COX18: variants seen among roughly 807,000 people sequenced by gnomAD.
COX18 encodes the protein cytochrome c oxidase assembly factor COX18.
Under a neutral mutation model 38.0 loss-of-function variants are expected in COX18, and 45 were observed. The observed-to-expected ratio is 1.18, with a 90% CI of 0.93 to 1.52. COX18 has a LOEUF of 1.52. COX18 is among the 40% of genes most tolerant of loss of function. COX18 has a pLI of 0.00. For missense variants in COX18, 462 were observed against 423.8 expected (o/e 1.09, Z -0.79); for synonymous variants, 177 against 169.8 (o/e 1.04, Z -0.33).
In COX18 at chr4:73,069,645, A is replaced by G. The variant is rs2110065059; in HGVS notation, c.5T>C (p.Leu2Pro). The change falls in exon 1 of 6, where the codon CTG (leucine) becomes CCG (proline). Residue 2 changes from leucine (L) to proline (P), a missense_variant. Leu to Pro is a moderately conservative substitution (Grantham distance 98, BLOSUM62 -3). Transcript: ENST00000507544. Reference protein sequence around the residue: MLCRLGGRWLRP... With the variant: MPCRLGGRWLRP... ...CAGCCACCGACCGCCGAGCCGGCACAGCATTTCTGCACCACGGCGGAGCCC... is the reference window on the plus strand; with the variant it reads ...CAGCCACCGACCGCCGAGCCGGCACGGCATTTCTGCACCACGGCGGAGCCC... 1.9e-6 allele frequency: 3 copies of G among 1,548,998 alleles called. No homozygotes were observed. The highest frequency in any genetic ancestry group is 2.6e-6 in the Non-Finnish European group (3 of 1,152,564).
chr4:73,061,685 G>T (rs912397744), intron 5 of COX18, 128 bp downstream of exon 5: 4 of 606,976 alleles, frequency 6.6e-6, no homozygotes, highest in Non-Finnish European at 1.1e-5. Flanking sequence ...TCCAGCCTGG[G>T]TGACAGAGCG....
In COX18 at chr4:73,055,339, A is replaced by C. The variant is rs1277855869; in HGVS notation, c.*2775T>G. The C allele has an allele frequency of 1.3e-5, 2 of 152,228 alleles. No homozygotes were observed. Among genetic ancestry groups the C allele is most frequent in the Non-Finnish European group, 2.9e-5 (2 of 68,046 alleles). The allele number at this position is 152,228 out of a possible 1,614,324, so 9.4% of individuals were successfully genotyped here. A position where few individuals can be genotyped will look rare whatever the true frequency, so the allele number is the denominator to read the frequency against. Reference sequence around the variant, plus strand: ...GTTCCATAAAGTCCACAAACACTGAAGTAGTGAATACCAAATCACTGCTCC... The same window carrying C: ...GTTCCATAAAGTCCACAAACACTGACGTAGTGAATACCAAATCACTGCTCC... On this transcript the variant is annotated 3_prime_UTR_variant, in exon 6 of 6. Coordinates refer to ENST00000507544, the MANE Select transcript of COX18 (RefSeq NM_001297732.2).
rs189112203 is a variant in COX18 at position 73,059,430 on chromosome 4, G to A, written c.832-1143C>T. Among the ~76,000 whole-genome samples the A allele has an allele frequency of 1.6e-4, 24 of 152,258 alleles. No individual in the cohort carries two copies. In the East Asian group the frequency reaches 4.1e-3, roughly 26 times the overall value. ...TAAATGAGATAATTCATGTAGAGTG[G>A]TATGCAAGTATGTGGTCCACATTCA... On this transcript the variant is annotated intron_variant, in intron 5 of 5. Transcript: ENST00000507544.
rs138013174 is a variant in COX18, at chr4:73,064,544, T to C, written c.723+234A>G. Among the ~76,000 whole-genome samples the C allele has an allele frequency of 2.0e-3, 305 of 152,342 alleles. 2 individuals carry two copies. Among genetic ancestry groups the C allele is most frequent in the African/African-American group, 6.7e-3 (278 of 41,574 alleles). On this transcript the variant is annotated intron_variant, in intron 4 of 5. Coordinates refer to ENST00000507544, the MANE Select transcript of COX18 (RefSeq NM_001297732.2). ...TATCAGAATCATATAATTTTGAAGC[T>C]GAAAGAGACTTGGAAGTATACTAGT...
rs537396450 is a variant in COX18 at position 73,052,834 on chromosome 4, G to C, written c.*5280C>G. The C allele has an allele frequency of 6.6e-5, 10 of 151,518 alleles. No homozygotes were observed. Among genetic ancestry groups the C allele is most frequent in the Admixed American group, 6.6e-5 (1 of 15,170 alleles). The allele number at this position is 151,518 out of a possible 1,614,324, so 9.4% of individuals were successfully genotyped here. On this transcript the variant is annotated 3_prime_UTR_variant, in exon 6 of 6. Coordinates refer to ENST00000507544, the MANE Select transcript of COX18 (RefSeq NM_001297732.2). ...TGTAGTAGCTGCAGTTAACACCCCA[G>C]AGGAAAAAATAAACTACATTCTTTA...
intron 4 of COX18, among the ~76,000 whole-genome samples, chr4:73,062,384 A>C (rs1346595658): frequency 1.3e-5 from 2 of 151,996 alleles, no homozygotes; most frequent in Non-Finnish European, 2.9e-5. Flanking sequence ...CAAAAAAAAA[A>C]CACTAATTAT....
At chr4:73,068,813 G>T (rs1053288643) in intron 1 of COX18, among the ~76,000 whole-genome samples, 2 of 152,300 alleles carry the variant, frequency 1.3e-5, no homozygotes, top group East Asian at 1.9e-4. Context: ...AGCATTAAAA[G>T]GTCAAGTAAC....
chr4:73,069,278 T>C (rs1387537238), intron 1 of COX18, 39 bp downstream of exon 1: 1 of 1,407,088 alleles, frequency 7.1e-7, no homozygotes, highest in Admixed American at 2.7e-5. Flanking sequence ...GCCGCAGGGG[T>C]TGCAGCGCAG....
chr4:73,054,005 G>A lies in COX18; in HGVS notation c.*4109C>T, dbSNP rs1173301257. 6.6e-6 allele frequency: 1 copy of A among 152,194 alleles called. No homozygotes were observed. The highest frequency in any genetic ancestry group is 1.5e-5 in the Non-Finnish European group (1 of 68,042). 9.4% of individuals were successfully genotyped at this position (152,194 alleles called of 1,614,324 possible). ...TCTTGAAATGAGAAGCATTCATTAA[G>A]ACAGTGAATCTGGCCTAGAGACAAA... On this transcript the variant is annotated 3_prime_UTR_variant, in exon 6 of 6. Transcript: ENST00000507544.
intron 5 of COX18, among the ~76,000 whole-genome samples, 182 bp from the exon 6 acceptor site, chr4:73,058,469 C>G (rs1720001878): frequency 6.6e-6 from 1 of 151,576 alleles, no homozygotes; most frequent in Admixed American, 6.6e-5. Flanking sequence ...TACAGACAGA[C>G]CAAAAAGCAA....
Position 73,066,961 on chromosome 4 carries a change from T to A in COX18, c.434+1068A>T, listed in dbSNP as rs148686242. Reference sequence around the variant, plus strand: ...TGATACCACAAAGGCCTTTTTCCATTGCTGTAAAAAGGAGAATAATTTTTC... The same window carrying A: ...TGATACCACAAAGGCCTTTTTCCATAGCTGTAAAAAGGAGAATAATTTTTC... On this transcript the variant is annotated intron_variant, in intron 2 of 5. Coordinates refer to ENST00000507544, the MANE Select transcript of COX18 (RefSeq NM_001297732.2). 2.4e-4 allele frequency among the ~76,000 whole-genome samples: 36 copies of A among 152,336 alleles called. No individual in the cohort carries two copies. The East Asian group carries it at 5.8e-3, about 24-fold the overall frequency.
Position 73,061,936 on chromosome 4 carries a change from A to T in COX18, c.724-16T>A. ...GAGCACAAATCTGAAGGGGTAGAAC[A>T]TATACATGCATAATGATTATTAAAA... On this transcript the variant is annotated splice_polypyrimidine_tract_variant and intron_variant, in intron 4 of 5. Coordinates refer to ENST00000507544, the MANE Select transcript of COX18 (RefSeq NM_001297732.2). 8.0e-7 allele frequency: 1 copy of T among 1,247,628 alleles called. No homozygotes were observed. The allele number at this position is 1,247,628 out of a possible 1,614,324, so 77.3% of individuals were successfully genotyped here. A position where few individuals can be genotyped will look rare whatever the true frequency, so the allele number is the denominator to read the frequency against.
rs1347660161 is a variant in COX18, at chr4:73,055,832, G to A, written c.*2282C>T. 1 of 152,072 alleles carries A rather than the reference G, an allele frequency of 6.6e-6. No individual in the cohort carries two copies. The highest frequency in any genetic ancestry group is 2.4e-5 in the African/African-American group (1 of 41,390). The allele number at this position is 152,072 out of a possible 1,614,324, so 9.4% of individuals were successfully genotyped here. ...AAATATAAAATCCACAAATAATGAG[G>A]ATATTTCAATTCCTTCAATGTGGTT... On this transcript the variant is annotated 3_prime_UTR_variant, in exon 6 of 6. Coordinates refer to ENST00000507544, the MANE Select transcript of COX18 (RefSeq NM_001297732.2).
chr4:73,055,657 G>A lies in COX18; in HGVS notation c.*2457C>T, dbSNP rs955767492. ...GACTCAAAAAGGATACATGTTTACG[G>A]TATGAGAGCTGAAACTAGAAGGCAG... On this transcript the variant is annotated 3_prime_UTR_variant, in exon 6 of 6. Transcript: ENST00000507544. The A allele has an allele frequency of 6.6e-6, 1 of 152,184 alleles. No individual in the cohort carries two copies. Among genetic ancestry groups the A allele is most frequent in the African/African-American group, 2.4e-5 (1 of 41,446 alleles). The allele number at this position is 152,184 out of a possible 1,614,324, so 9.4% of individuals were successfully genotyped here. A position where few individuals can be genotyped will look rare whatever the true frequency, so the allele number is the denominator to read the frequency against.
At chr4:73,066,949 G>T (rs1720476619) in intron 2 of COX18, among the ~76,000 whole-genome samples, 1 of 152,122 alleles carries the variant, frequency 6.6e-6, no homozygotes, top group Admixed American at 6.6e-5. Context: ...TACCACAAAG[G>T]CCTTTTTCCA....
intron 5 of COX18, among the ~76,000 whole-genome samples, chr4:73,059,308 T>C (rs1442164751): frequency 6.6e-6 from 1 of 152,212 alleles, no homozygotes; most frequent in African/African-American, 2.4e-5. Flanking sequence ...TTGCCATCTA[T>C]TTGACTTTGA....
intron 4 of COX18, among the ~76,000 whole-genome samples, chr4:73,062,212 C>CACTG (rs1438579480): frequency 2.0e-5 from 3 of 151,950 alleles, no homozygotes; most frequent in Non-Finnish European, 4.4e-5. Context: ...ATGCACCAAC[C>CACTG]ACTGCACTCA....
rs1050428861 is a variant in COX18 at position 73,064,633 on chromosome 4, G to A, written c.723+145C>T. 26 of 872,138 alleles carry A rather than the reference G, an allele frequency of 3.0e-5. No homozygotes were observed. In the Middle Eastern group the frequency reaches 1.1e-3, roughly 37 times the overall value. 54.0% of individuals were successfully genotyped at this position (872,138 alleles called of 1,614,324 possible). A position where few individuals can be genotyped will look rare whatever the true frequency, so the allele number is the denominator to read the frequency against. On this transcript the variant is annotated intron_variant, in intron 4 of 5. Transcript: ENST00000507544. ...GGTTAAGGGACAGGCCTAAGCCAAT[G>A]CCTGACGTGGAACCAGGAACCAAGG... is the stretch of plus-strand genomic sequence containing the variant.
At chr4:73,069,720 G>T, upstream of COX18, 1 of 1,424,684 alleles carries the variant, frequency 7.0e-7, no homozygotes, top group Non-Finnish European at 9.5e-7. Context: ...AGCCAAGGCT[G>T]ATACGCGCAC....
Sources: gnomAD v4.1 joint callset for allele counts (sites outside exome capture counted in the v4.1 genomes callset) on GRCh38, gnomAD v4.1.1 for gene constraint, MANE v1.5 for transcripts, NCBI Gene and HGNC (gene_info 2026-07-23, HGNC 2026-07-21) for gene names.